Variants in CCDC102B observed in about 807,000 individuals in gnomAD.
CCDC102B encodes coiled-coil domain-containing protein 102B.
A neutral mutation model predicts 57.4 loss-of-function variants in CCDC102B; 75 were observed. That is an observed-to-expected ratio of 1.31 (90% confidence interval 1.08 to 1.58). The LOEUF (loss-of-function observed/expected upper bound fraction) is 1.58, where lower values mean the gene tolerates loss of function less well. CCDC102B is among the 40% of genes most tolerant of loss of function. The pLI, the probability that CCDC102B is intolerant of heterozygous loss-of-function variation, is 0.00. For missense variants in CCDC102B, 636 were observed against 582.6 expected (o/e 1.09, Z -0.94); for synonymous variants, 206 against 201.9 (o/e 1.02, Z -0.17).
chr18:69,020,270 A>G (rs2051794997), intron 7 of CCDC102B, among the ~76,000 whole-genome samples: 1 of 152,116 alleles, frequency 6.6e-6, no homozygotes, highest in African/African-American at 2.4e-5. Flanking sequence ...TAAAAGTTCT[A>G]TTTTGAGTAA....
rs1331062539 is a variant in CCDC102B at position 68,857,332 on chromosome 18, AT to A, written c.936+10912del. Among the ~76,000 whole-genome samples the A allele has an allele frequency of 2.4e-4, 20 of 82,668 alleles. 3 individuals carry two copies. Among genetic ancestry groups the A allele is most frequent in the African/African-American group, 7.8e-4 (17 of 21,784 alleles). The allele number at this position is 82,668 out of a possible 152,430, so 54.2% of individuals were successfully genotyped here. A position where few individuals can be genotyped will look rare whatever the true frequency, so the allele number is the denominator to read the frequency against. On this transcript the variant is annotated intron_variant, in intron 4 of 7. Coordinates refer to ENST00000360242, the MANE Select transcript of CCDC102B (RefSeq NM_024781.3). ...TATATTTATATATTATATATATAAAATATATATTTATATATTATAAATATAT... is the reference window on the plus strand; with the variant it reads ...TATATTTATATATTATATATATAAAAATATATTTATATATTATAAATATAT...
chr18:68,994,530 CCGTGT>C (rs1389312995), intron 6 of CCDC102B, among the ~76,000 whole-genome samples: 6 of 152,186 alleles, frequency 3.9e-5, no homozygotes, highest in Admixed American at 2.6e-4. Flanking sequence ...CCCTCCTCCC[CCGTGT>C]AAAGGGAGAC....
intron 6 of CCDC102B, among the ~76,000 whole-genome samples, chr18:68,899,444 C>T (rs1599656126): frequency 6.7e-6 from 1 of 149,474 alleles, no homozygotes. Context: ...TATATATATA[C>T]ACACACCATG....
chr18:68,815,384 A>G (rs532809074), intron 1 of CCDC102B, among the ~76,000 whole-genome samples: 22 of 152,196 alleles, frequency 1.4e-4, no homozygotes, highest in Admixed American at 6.5e-5. Context: ...GCAATGGTAA[A>G]CTGCATTTTA....
chr18:68,998,991 TATATATATAGAGAGAG>T (rs770807255), intron 6 of CCDC102B, among the ~76,000 whole-genome samples: 1,693 of 69,894 alleles, frequency 0.024, 9 homozygotes, highest in African/African-American at 0.038. Context: ...TATATATATA[TATATATATAGAGAGAG>T]AGAGAGAGAG....
chr18:69,022,916 C>T (rs917318486), intron 7 of CCDC102B, among the ~76,000 whole-genome samples: 3 of 151,082 alleles, frequency 2.0e-5, no homozygotes, highest in Admixed American at 6.6e-5. Context: ...TGAGAGATGG[C>T]GGGCTCTCCT....
At chr18:69,044,853 C>A (rs2052520047) in intron 7 of CCDC102B, among the ~76,000 whole-genome samples, 1 of 152,100 alleles carries the variant, frequency 6.6e-6, no homozygotes, top group Admixed American at 6.6e-5. Flanking sequence ...AACGAAATAC[C>A]ACAAATTGAG....
intron 6 of CCDC102B, among the ~76,000 whole-genome samples, chr18:68,968,293 T>G (rs2050212321): frequency 6.6e-6 from 1 of 152,168 alleles, no homozygotes; most frequent in African/African-American, 2.4e-5. Context: ...GTTTTTTCCA[T>G]TCAGTTGTAG....
intron 2 of CCDC102B, among the ~76,000 whole-genome samples, chr18:68,782,430 T>C (rs2035037023): frequency 6.6e-6 from 1 of 152,140 alleles, no homozygotes; most frequent in African/African-American, 2.4e-5. Context: ...GTTTTTGAAG[T>C]CAATACAAGC....
chr18:68,921,689 A>C (rs545531161), intron 6 of CCDC102B, among the ~76,000 whole-genome samples: 1 of 152,286 alleles, frequency 6.6e-6, no homozygotes, highest in African/African-American at 2.4e-5. Context: ...AGAGCAGAGA[A>C]AGGCCTCTGC....
chr18:68,807,507 G>A (rs981516681), intron 1 of CCDC102B, among the ~76,000 whole-genome samples: 1 of 152,002 alleles, frequency 6.6e-6, no homozygotes, highest in African/African-American at 2.4e-5. Flanking sequence ...TACATGATTG[G>A]GAGGCAAAAT....
At chr18:68,839,919 G>T (rs1185335226) in intron 3 of CCDC102B, among the ~76,000 whole-genome samples, 1 of 152,158 alleles carries the variant, frequency 6.6e-6, no homozygotes, top group African/African-American at 2.4e-5. Flanking sequence ...AATGGAAGGA[G>T]TGTGAAAACA....
intron 6 of CCDC102B, among the ~76,000 whole-genome samples, chr18:68,984,888 A>T (rs575854996): frequency 6.6e-6 from 1 of 152,240 alleles, no homozygotes; most frequent in African/African-American, 2.4e-5. Context: ...TCCTTATCTA[A>T]TGGATTTTGA....
At chr18:68,810,671 C>CTTTGTTTGTTTTTTTTTTTTTTTTTT (rs1568263108) in intron 1 of CCDC102B, among the ~76,000 whole-genome samples, 1 of 70,062 alleles carries the variant, frequency 1.4e-5, no homozygotes. Flanking sequence ...ATTTTCTTTT[C>CTTTGTTTGTTTTTTTTTTTTTTTTTT]TTTTCTTTGT....
At chr18:68,928,210 C>T (rs17079905) in intron 6 of CCDC102B, among the ~76,000 whole-genome samples, 41,306 of 151,798 alleles carry the variant, frequency 0.27, 7,132 homozygotes, top group East Asian at 0.65. Flanking sequence ...TATTAAGTTA[C>T]GGTTTCGAGT....
chr18:68,719,152 T>C (rs2032188223), intron 2 of CCDC102B, among the ~76,000 whole-genome samples: 1 of 152,170 alleles, frequency 6.6e-6, no homozygotes, highest in Non-Finnish European at 1.5e-5. Context: ...AGGAATTGAA[T>C]CAGAAGCTTA....
chr18:68,906,922 G>T (rs201898397), intron 6 of CCDC102B, among the ~76,000 whole-genome samples: 2 of 149,558 alleles, frequency 1.3e-5, no homozygotes, highest in East Asian at 2.0e-4. Context: ...GTTTATTTCT[G>T]ATACTTTTAT....
intron 6 of CCDC102B, among the ~76,000 whole-genome samples, chr18:68,974,552 A>G (rs1325812097): frequency 6.6e-6 from 1 of 151,934 alleles, no homozygotes; most frequent in African/African-American, 2.4e-5. Flanking sequence ...TGTTGGATAT[A>G]GTTATTTATG....
At position 69,054,702 on chromosome 18, in the gene CCDC102B, G is replaced by A; in HGVS notation, c.*565G>A. ...GTGAGCAGATGAATCAGAAAAAAGT[G>A]TTTTGTATTTTAAAGTAACAGATAA... is the stretch of plus-strand genomic sequence containing the variant. On this transcript the variant is annotated 3_prime_UTR_variant, in exon 8 of 8. Coordinates refer to ENST00000360242, the MANE Select transcript of CCDC102B (RefSeq NM_024781.3). 1.0e-6 allele frequency: 1 copy of A among 984,414 alleles called. No homozygotes were observed. The highest frequency in any genetic ancestry group is 1.2e-6 in the Non-Finnish European group (1 of 829,092). 61.0% of individuals were successfully genotyped at this position (984,414 alleles called of 1,614,324 possible).
Sources: gnomAD v4.1 joint callset for allele counts (sites outside exome capture counted in the v4.1 genomes callset) on GRCh38, gnomAD v4.1.1 for gene constraint, MANE v1.5 for transcripts, NCBI Gene and HGNC (gene_info 2026-07-23, HGNC 2026-07-21) for gene names.